Variants in SLC1A1 observed in about 807,000 individuals in gnomAD.
The protein encoded by SLC1A1 is solute carrier family 1 member 1.
SLC1A1 carries 43 observed loss-of-function variants against 53.3 expected under a neutral mutation model. That is an observed-to-expected ratio of 0.81 (90% CI 0.63 to 1.04). The LOEUF is 1.04. Ranked by LOEUF, SLC1A1 falls within the 50% of genes least tolerant of loss-of-function variation. SLC1A1 has a pLI of 0.00. For synonymous variants in SLC1A1, 307 were observed against 243.2 expected (o/e 1.26, Z -2.44); for missense variants, 748 against 664.9 (o/e 1.12, Z -1.37).
intron 1 of SLC1A1, among the ~76,000 whole-genome samples, chr9:4,496,858 T>C (rs1164431546): frequency 6.6e-6 from 1 of 152,122 alleles, no homozygotes; most frequent in Non-Finnish European, 1.5e-5. Context: ...ATCACATCAT[T>C]GTACACTCCA....
intron 1 of SLC1A1, among the ~76,000 whole-genome samples, chr9:4,525,782 A>G (rs1298277524): frequency 2.0e-5 from 3 of 152,294 alleles, no homozygotes; most frequent in Admixed American, 6.5e-5. Context: ...AAATCAGTCA[A>G]TGCATCACAG....
intron 9 of SLC1A1, 115 bp downstream of exon 9, chr9:4,576,238 A>G (rs1003010304): frequency 1.0e-6 from 1 of 1,003,148 alleles, no homozygotes; most frequent in Non-Finnish European, 1.6e-6. Context: ...TTGAGAAATG[A>G]CCTCCGTATT....
At chr9:4,509,478 G>A (rs1820920199) in intron 1 of SLC1A1, among the ~76,000 whole-genome samples, 2 of 151,946 alleles carry the variant, frequency 1.3e-5, no homozygotes, top group African/African-American at 4.8e-5. Context: ...CCACAGTACA[G>A]TGAGGGCTGA....
intron 1 of SLC1A1, among the ~76,000 whole-genome samples, chr9:4,538,211 G>A (rs1386032324): frequency 1.3e-5 from 2 of 152,116 alleles, no homozygotes; most frequent in Non-Finnish European, 2.9e-5. Flanking sequence ...GGCACAGCTT[G>A]GTTTTGTACA....
intron 1 of SLC1A1, among the ~76,000 whole-genome samples, chr9:4,501,721 G>A (rs1468525597): frequency 6.6e-6 from 1 of 151,526 alleles, no homozygotes; most frequent in Non-Finnish European, 1.5e-5. Flanking sequence ...CCGAGATCAC[G>A]CCATTGCACT....
chr9:4,527,727 G>A (rs186283179), intron 1 of SLC1A1, among the ~76,000 whole-genome samples: 1 of 152,122 alleles, frequency 6.6e-6, no homozygotes, highest in Non-Finnish European at 1.5e-5. Context: ...TCTATTATAT[G>A]GAGTTTGAGT....
At chr9:4,505,863 A>C (rs1223162574) in intron 1 of SLC1A1, among the ~76,000 whole-genome samples, 1 of 151,948 alleles carries the variant, frequency 6.6e-6, no homozygotes, top group Non-Finnish European at 1.5e-5. Flanking sequence ...AGTCTCTGTC[A>C]CCCAGAATGG....
At chr9:4,546,919 C>A (rs976535954) in intron 2 of SLC1A1, among the ~76,000 whole-genome samples, 2 of 152,200 alleles carry the variant, frequency 1.3e-5, no homozygotes, top group African/African-American at 4.8e-5. Flanking sequence ...GCACAAGGTG[C>A]ATAAACCACC....
intron 1 of SLC1A1, among the ~76,000 whole-genome samples, chr9:4,539,035 T>C (rs1326070701): frequency 1.3e-5 from 2 of 152,210 alleles, no homozygotes; most frequent in Non-Finnish European, 2.9e-5. Context: ...ACTTTTTCCT[T>C]TGCCAGTAAT....
At chr9:4,501,099 G>GTCTTA (rs1820615629) in intron 1 of SLC1A1, among the ~76,000 whole-genome samples, 1 of 151,998 alleles carries the variant, frequency 6.6e-6, no homozygotes, top group African/African-American at 2.4e-5. Flanking sequence ...GTCCCTAACC[G>GTCTTA]TGTCCAACAC....
At chr9:4,580,961 T>C (rs928552673) in intron 10 of SLC1A1, among the ~76,000 whole-genome samples, 3 of 152,214 alleles carry the variant, frequency 2.0e-5, no homozygotes, top group Non-Finnish European at 4.4e-5. Context: ...GTTTGTTACA[T>C]AGGTATACGT....
chr9:4,541,423 C>T (rs911246815), intron 1 of SLC1A1, among the ~76,000 whole-genome samples: 1 of 152,192 alleles, frequency 6.6e-6, no homozygotes, highest in Non-Finnish European at 1.5e-5. Context: ...CTTTTCCATA[C>T]AGCTTGTTTT....
intron 1 of SLC1A1, among the ~76,000 whole-genome samples, chr9:4,530,308 G>A (rs1816419365): frequency 6.6e-6 from 1 of 152,098 alleles, no homozygotes; most frequent in Admixed American, 6.5e-5. Context: ...CCTCCAATAT[G>A]GACCACTAAT....
At chr9:4,517,638 G>C (rs750985169) in intron 1 of SLC1A1, among the ~76,000 whole-genome samples, 2 of 152,210 alleles carry the variant, frequency 1.3e-5, no homozygotes, top group African/African-American at 2.4e-5. Context: ...TGCTTGCAGA[G>C]GTATGTGGGC....
chr9:4,503,099 C>T (rs184904011), intron 1 of SLC1A1, among the ~76,000 whole-genome samples: 16 of 151,852 alleles, frequency 1.1e-4, no homozygotes, highest in Middle Eastern at 3.4e-3. Flanking sequence ...GATAATCTCC[C>T]TTCTCTACAT....
intron 8 of SLC1A1, among the ~76,000 whole-genome samples, chr9:4,575,521 G>C (rs1353291580): frequency 2.0e-5 from 3 of 152,272 alleles, no homozygotes; most frequent in East Asian, 1.9e-4. Context: ...ACTGAGCGCT[G>C]TGATAAGGGG....
intron 1 of SLC1A1, among the ~76,000 whole-genome samples, chr9:4,497,323 G>A (rs1820467336): frequency 6.6e-6 from 1 of 152,158 alleles, no homozygotes; most frequent in South Asian, 2.1e-4. Context: ...TGGCTCTAGA[G>A]CCTCTGCTTC....
At chr9:4,503,900 G>C (rs552362963) in intron 1 of SLC1A1, among the ~76,000 whole-genome samples, 1 of 152,236 alleles carries the variant, frequency 6.6e-6, no homozygotes, top group Non-Finnish European at 1.5e-5. Context: ...TGATCCCCTA[G>C]AAGCCCACTC....
intron 1 of SLC1A1, among the ~76,000 whole-genome samples, chr9:4,537,598 T>TAAAA: frequency 1.6e-5 from 2 of 124,996 alleles, no homozygotes; most frequent in South Asian, 2.9e-4. Flanking sequence ...TAAAATAAAA[T>TAAAA]AAAAAAAAAA....
Sources: gnomAD v4.1 joint callset for allele counts (sites outside exome capture counted in the v4.1 genomes callset) on GRCh38, gnomAD v4.1.1 for gene constraint, MANE v1.5 for transcripts, NCBI Gene and HGNC (gene_info 2026-07-23, HGNC 2026-07-21) for gene names.